RAD51B: variants seen among roughly 807,000 people sequenced by gnomAD.
RAD51B encodes RAD51 paralog B, also known as DNA repair protein RAD51 homolog 2.
A neutral mutation model predicts 42.2 loss-of-function variants in RAD51B; 38 were observed. That is an observed-to-expected ratio of 0.90 (90% CI 0.70 to 1.18). The LOEUF (loss-of-function observed/expected upper bound fraction) is 1.18, where lower values mean the gene tolerates loss of function less well. Among genes scored for constraint, RAD51B ranks in the 50% most tolerant of loss-of-function variants. The pLI, the probability that RAD51B is intolerant of heterozygous loss-of-function variation, is 0.00. For synonymous variants in RAD51B, 154 were observed against 145.2 expected (o/e 1.06, Z -0.43); for missense variants, 373 against 400.7 (o/e 0.93, Z 0.59).
At chr14:68,037,656 G>A (rs188429069) in intron 7 of RAD51B, among the ~76,000 whole-genome samples, 55 of 152,312 alleles carry the variant, frequency 3.6e-4, no homozygotes, top group African/African-American at 1.3e-3. Flanking sequence ...TCTTGCCAAT[G>A]TCTTAAATGT....
chr14:68,159,926 T>C (rs1218761789), intron 7 of RAD51B, among the ~76,000 whole-genome samples: 1 of 152,138 alleles, frequency 6.6e-6, no homozygotes, highest in Non-Finnish European at 1.5e-5. Context: ...ATGTGAATTA[T>C]TTCAATTTTT....
intron 7 of RAD51B, among the ~76,000 whole-genome samples, chr14:68,223,465 G>A (rs1286561849): frequency 6.6e-6 from 1 of 152,200 alleles, no homozygotes; most frequent in African/African-American, 2.4e-5. Flanking sequence ...AGTTCACTGA[G>A]TCCTGTCCAG....
downstream of RAD51B, among the ~76,000 whole-genome samples, chr14:68,614,170 TA>T (rs1891778990): frequency 6.6e-6 from 1 of 152,204 alleles, no homozygotes; most frequent in African/African-American, 2.4e-5. Flanking sequence ...GGCAGCCTGG[TA>T]GCAACCACAG....
chr14:68,009,725 T>C (rs1365412447), intron 7 of RAD51B, among the ~76,000 whole-genome samples: 1 of 151,922 alleles, frequency 6.6e-6, no homozygotes, highest in Admixed American at 6.6e-5. Flanking sequence ...AATAGCACCC[T>C]TTAGTTTTCT....
chr14:67,822,847 G>C (rs1442000266), intron 1 of RAD51B, among the ~76,000 whole-genome samples: 1 of 152,172 alleles, frequency 6.6e-6, no homozygotes, highest in Admixed American at 6.5e-5. Context: ...ATATGATTAT[G>C]GACTTGCAGT....
intron 8 of RAD51B, among the ~76,000 whole-genome samples, chr14:68,341,290 G>A (rs1380158365): frequency 6.6e-6 from 1 of 152,152 alleles, no homozygotes; most frequent in Non-Finnish European, 1.5e-5. Context: ...CTGTATCAGA[G>A]TAGCTTCATC....
intron 7 of RAD51B, among the ~76,000 whole-genome samples, chr14:68,120,073 T>C (rs1395415038): frequency 6.6e-6 from 1 of 152,242 alleles, no homozygotes; most frequent in African/African-American, 2.4e-5. Flanking sequence ...TGGCCAGTGA[T>C]GGTGAGCGTT....
chr14:68,425,465 A>G (rs1015149105), intron 9 of RAD51B, among the ~76,000 whole-genome samples: 12 of 152,356 alleles, frequency 7.9e-5, no homozygotes, highest in Middle Eastern at 6.8e-3. Flanking sequence ...TTGCAGGAGT[A>G]GGTTCTTTAT....
rs1348987641 is a variant in RAD51B at position 68,017,522 on chromosome 14, A to G, written c.756+130318A>G. On this transcript the variant is annotated intron_variant, in intron 7 of 10. Transcript: ENST00000471583. Reference sequence around the variant, plus strand: ...ATCTTTTTTATCTTAGAAATTTAATATTTTCCTCTAACAACCAATAGAGCA... The same window carrying G: ...ATCTTTTTTATCTTAGAAATTTAATGTTTTCCTCTAACAACCAATAGAGCA... Among the ~76,000 whole-genome samples, 8 of 151,964 alleles carry G rather than the reference A, an allele frequency of 5.3e-5. 1 individual carries two copies. The highest frequency in any genetic ancestry group is 3.9e-4 in the Admixed American group (6 of 15,240).
chr14:68,018,776 T>C (rs1329686437), intron 7 of RAD51B, among the ~76,000 whole-genome samples: 4 of 152,206 alleles, frequency 2.6e-5, no homozygotes, highest in Non-Finnish European at 5.9e-5. Context: ...ATTCAGCTTT[T>C]TATGTGTCTG....
chr14:67,974,765 C>G (rs373143868), intron 7 of RAD51B, among the ~76,000 whole-genome samples: 6 of 152,000 alleles, frequency 3.9e-5, no homozygotes, highest in Admixed American at 1.3e-4. Flanking sequence ...CCTACTCATT[C>G]TCTTTTTATG....
chr14:68,101,651 T>C (rs2077291973), intron 7 of RAD51B, among the ~76,000 whole-genome samples: 1 of 152,252 alleles, frequency 6.6e-6, no homozygotes, highest in Non-Finnish European at 1.5e-5. Context: ...GCTCCACCCC[T>C]GTGGCTTTAC....
intron 8 of RAD51B, among the ~76,000 whole-genome samples, chr14:68,298,447 A>G (rs975071158): frequency 2.0e-5 from 3 of 152,228 alleles, no homozygotes; most frequent in Non-Finnish European, 2.9e-5. Context: ...ATGCATTACA[A>G]TCAAGTTAGA....
rs1236302614 is a variant in RAD51B, at chr14:68,403,808, A to C, written c.854-7616A>C. ...TTGTTAACAGAATAAAAAATGCAGG[A>C]GATAATGATTAAACTTCTTTCCTCC... On this transcript the variant is annotated intron_variant, in intron 8 of 10. Transcript: ENST00000471583. Among the ~76,000 whole-genome samples the C allele has an allele frequency of 2.7e-4, 41 of 152,278 alleles. 1 individual carries two copies. The highest frequency in any genetic ancestry group is 2.7e-3 in the Admixed American group (41 of 15,292).
intron 7 of RAD51B, among the ~76,000 whole-genome samples, chr14:68,282,977 T>G (rs1052393889): frequency 2.6e-5 from 4 of 152,172 alleles, no homozygotes; most frequent in African/African-American, 9.7e-5. Context: ...GTATCAATGT[T>G]GGTATTTATC....
chr14:67,934,960 C>T (rs1372854629), intron 7 of RAD51B, among the ~76,000 whole-genome samples: 3 of 152,226 alleles, frequency 2.0e-5, no homozygotes, highest in Non-Finnish European at 2.9e-5. Context: ...CCATACTCTC[C>T]TCTGCTATAT....
chr14:68,662,868 C>A (rs1469343004), intron 11 of RAD51B, among the ~76,000 whole-genome samples: 1 of 152,230 alleles, frequency 6.6e-6, no homozygotes, highest in Non-Finnish European at 1.5e-5. Context: ...CTGGGCATCT[C>A]CATTTGCCCC....
intron 10 of RAD51B, among the ~76,000 whole-genome samples, chr14:68,474,000 G>T (rs901668343): frequency 1.3e-5 from 2 of 152,190 alleles, no homozygotes; most frequent in Admixed American, 1.3e-4. Context: ...ATATAGCCAT[G>T]TGATACACAG....
At chr14:68,545,422 G>A (rs1040614812) in intron 10 of RAD51B, 2 of 351,238 alleles carry the variant, frequency 5.7e-6, no homozygotes, top group South Asian at 2.3e-5. Flanking sequence ...GCTCTTCACA[G>A]TCAACTCCAC....
Sources: gnomAD v4.1 joint callset for allele counts (sites outside exome capture counted in the v4.1 genomes callset) on GRCh38, gnomAD v4.1.1 for gene constraint, MANE v1.5 for transcripts, NCBI Gene and HGNC (gene_info 2026-07-23, HGNC 2026-07-21) for gene names.